The following NBEA variants were observed in gnomAD, a reference collection of about 807,000 sequenced individuals.
The protein encoded by NBEA is lysosomal-trafficking regulator 2.
A neutral mutation model predicts 343.4 loss-of-function variants in NBEA; 44 were observed. That is an observed-to-expected ratio of 0.13 (90% CI 0.10 to 0.16). The LOEUF (loss-of-function observed/expected upper bound fraction) is 0.16. NBEA is among the 10% of genes least tolerant of loss of function. The probability of loss-of-function intolerance (pLI) is 1.00; values close to 1 mark genes in which losing one functional copy is unlikely to be tolerated. For synonymous variants in NBEA, 1,175 were observed against 1,238.7 expected (o/e 0.95, Z 1.08); for missense variants, 2,555 against 3,631.3 (o/e 0.70, Z 7.62).
intron 22 of NBEA, among the ~76,000 whole-genome samples, chr13:35,160,874 G>A (rs576034419): frequency 3.8e-4 from 58 of 152,078 alleles, no homozygotes; most frequent in Non-Finnish European, 7.2e-4. Context: ...TACATTTACC[G>A]TTAATGACTT....
At chr13:35,220,042 A>G (rs2074277426) in intron 33 of NBEA, among the ~76,000 whole-genome samples, 1 of 152,158 alleles carries the variant, frequency 6.6e-6, no homozygotes, top group Non-Finnish European at 1.5e-5. Context: ...GGTCCAGAAT[A>G]CACACTTTGA....
intron 43 of NBEA, 34 bp downstream of exon 43, chr13:35,551,066 T>C (rs772185547): frequency 1.7e-6 from 2 of 1,209,092 alleles, no homozygotes; most frequent in South Asian, 2.6e-5. Context: ...ATCTATGGCT[T>C]GTTAACATAT....
Position 35,425,935 on chromosome 13 carries a change from T to G in NBEA, c.6180-6334T>G, listed in dbSNP as rs1430186423. 7.2e-5 allele frequency among the ~76,000 whole-genome samples: 11 copies of G among 152,324 alleles called. No homozygotes were observed. The East Asian group carries it at 9.7e-4, about 13-fold the overall frequency. ...TTTGTCTCTTTTGATCTTTGTTGGT[T>G]TAAAGTCTGTTTTATCAGAGACCAG... On this transcript the variant is annotated intron_variant, in intron 38 of 58. Transcript: ENST00000379939.
intron 41 of NBEA, among the ~76,000 whole-genome samples, chr13:35,536,651 G>A (rs9544578): frequency 0.01 from 676 of 64,790 alleles, 3 homozygotes; most frequent in African/African-American, 0.049. Context: ...ATAGATGATA[G>A]ATAGATAGAT....
At chr13:35,267,777 A>T (rs2152802362) in intron 34 of NBEA, among the ~76,000 whole-genome samples, 1 of 151,986 alleles carries the variant, frequency 6.6e-6, no homozygotes, top group African/African-American at 2.4e-5. Context: ...GGGAAATGCA[A>T]AACAAATCCA....
intron 1 of NBEA, among the ~76,000 whole-genome samples, chr13:34,949,719 T>C (rs1221137491): frequency 6.6e-6 from 1 of 152,198 alleles, no homozygotes; most frequent in Non-Finnish European, 1.5e-5. Context: ...TTTACCATTG[T>C]ATATTAATTA....
chr13:35,098,517 C>A, intron 11 of NBEA, 112 bp downstream of exon 11: 1 of 647,518 alleles, frequency 1.5e-6, no homozygotes, highest in Non-Finnish European at 2.6e-6. Context: ...AGAGATTATA[C>A]TATTTGCTAA....
intron 41 of NBEA, chr13:35,476,595 G>C (rs892773035): frequency 3.8e-6 from 2 of 532,120 alleles, no homozygotes; most frequent in African/African-American, 3.8e-5. Context: ...TGTGTGTGCA[G>C]CACTGTTAAT....
intron 24 of NBEA, among the ~76,000 whole-genome samples, chr13:35,167,065 T>C (rs2070093774): frequency 6.6e-6 from 1 of 152,048 alleles, no homozygotes; most frequent in Admixed American, 6.6e-5. Context: ...TTTCAGAATA[T>C]TCTTGTGTGC....
At chr13:35,043,038 A>G (rs2062711448) in intron 2 of NBEA, among the ~76,000 whole-genome samples, 1 of 151,840 alleles carries the variant, frequency 6.6e-6, no homozygotes. Context: ...ATTTCTAATT[A>G]CTTTCAATCT....
At chr13:35,171,228 T>C (rs2070441524) in intron 25 of NBEA, 44 bp from the exon 26 acceptor site, 1 of 1,542,296 alleles carries the variant, frequency 6.5e-7, no homozygotes, top group Non-Finnish European at 8.9e-7. Flanking sequence ...TATTTCCAAA[T>C]TTCCAAATTT....
intron 1 of NBEA, 62 bp from the exon 2 acceptor site, chr13:35,040,870 TC>T (rs2062624299): frequency 7.5e-7 from 1 of 1,335,042 alleles, no homozygotes; most frequent in African/African-American, 1.5e-5. Flanking sequence ...TGTTATTATT[TC>T]ATTCTACTGT....
intron 13 of NBEA, among the ~76,000 whole-genome samples, chr13:35,117,175 T>C (rs538944633): frequency 1.3e-5 from 2 of 152,028 alleles, no homozygotes; most frequent in Non-Finnish European, 2.9e-5. Context: ...ATAACAACTT[T>C]TTAAAAAGTT....
intron 34 of NBEA, among the ~76,000 whole-genome samples, chr13:35,282,159 A>G (rs1466767698): frequency 6.6e-6 from 1 of 151,486 alleles, no homozygotes; most frequent in East Asian, 1.9e-4. Context: ...TGATCTGCCC[A>G]CCTCGGCCTC....
chr13:35,091,784 G>A (rs953748267), intron 10 of NBEA, among the ~76,000 whole-genome samples: 1 of 152,054 alleles, frequency 6.6e-6, no homozygotes, highest in African/African-American at 2.4e-5. Flanking sequence ...TCTGATGATA[G>A]CAATCAAAGA....
chr13:35,647,277 T>C (rs2084281612), intron 51 of NBEA, among the ~76,000 whole-genome samples: 1 of 152,210 alleles, frequency 6.6e-6, no homozygotes, highest in Non-Finnish European at 1.5e-5. Context: ...TAAACAATTC[T>C]TGAAGGTAAA....
chr13:34,981,157 TG>T (rs2152506858), intron 1 of NBEA, among the ~76,000 whole-genome samples: 1 of 152,304 alleles, frequency 6.6e-6, no homozygotes, highest in African/African-American at 2.4e-5. Flanking sequence ...TTTGTATCCA[TG>T]GAGTCACACA....
At chr13:35,549,774 C>G (rs2079224926) in intron 41 of NBEA, among the ~76,000 whole-genome samples, 1 of 152,202 alleles carries the variant, frequency 6.6e-6, no homozygotes, top group Non-Finnish European at 1.5e-5. Flanking sequence ...TAATGTCCTT[C>G]CACAAAGTTA....
chr13:35,607,359 G>C (rs1213629267), intron 48 of NBEA, among the ~76,000 whole-genome samples: 1 of 151,948 alleles, frequency 6.6e-6, no homozygotes, highest in Non-Finnish European at 1.5e-5. Flanking sequence ...CAGATATCTG[G>C]GTGTTTAAAT....
Sources: gnomAD v4.1 joint callset for allele counts (sites outside exome capture counted in the v4.1 genomes callset) on GRCh38, gnomAD v4.1.1 for gene constraint, MANE v1.5 for transcripts, NCBI Gene and HGNC (gene_info 2026-07-23, HGNC 2026-07-21) for gene names.